Variants in DLC1 observed in about 807,000 individuals in gnomAD.
The protein encoded by DLC1 is DLC1 Rho GTPase activating protein.
A neutral mutation model predicts 140.3 loss-of-function variants in DLC1; 54 were observed. The ratio of observed to expected loss-of-function variants is 0.38; its 90% CI spans 0.31 to 0.48. DLC1 has a LOEUF of 0.48. Ranked by LOEUF, DLC1 falls within the 20% of genes least tolerant of loss-of-function variation. The pLI is 0.96. For synonymous variants in DLC1, 986 were observed against 728.1 expected (o/e 1.35, Z -5.70); for missense variants, 2,536 against 1,907.0 (o/e 1.33, Z -6.14).
At chr8:13,221,845 AAATATATT>A (rs1018585976) in intron 5 of DLC1, among the ~76,000 whole-genome samples, 1 of 144,672 alleles carries the variant, frequency 6.9e-6, no homozygotes, top group Non-Finnish European at 1.5e-5. Context: ...TATTAATATA[AAATATATT>A]AATATATTAA....
At chr8:13,171,781 G>T (rs1002989562) in intron 5 of DLC1, among the ~76,000 whole-genome samples, 2 of 152,206 alleles carry the variant, frequency 1.3e-5, no homozygotes, top group African/African-American at 4.8e-5. Flanking sequence ...CTTGCGGAGG[G>T]TATAGCTAGA....
chr8:13,144,592 C>T (rs1225736953), intron 5 of DLC1, among the ~76,000 whole-genome samples: 3 of 152,040 alleles, frequency 2.0e-5, no homozygotes, highest in Non-Finnish European at 4.4e-5. Flanking sequence ...AGTGAAATCC[C>T]GCTTCTACTA....
intron 1 of DLC1, chr8:13,568,094 G>T: frequency 1.1e-6 from 1 of 901,262 alleles, no homozygotes; most frequent in Non-Finnish European, 1.6e-6. Context: ...ATTATAGAAG[G>T]CACTGTTGTA....
At chr8:13,356,361 C>T (rs1401610211) in intron 4 of DLC1, among the ~76,000 whole-genome samples, 1 of 152,048 alleles carries the variant, frequency 6.6e-6, no homozygotes, top group Non-Finnish European at 1.5e-5. Flanking sequence ...ATAAGTTGTC[C>T]ACATTCCTCA....
chr8:13,125,429 A>C (rs1268433133), intron 5 of DLC1, among the ~76,000 whole-genome samples: 1 of 152,220 alleles, frequency 6.6e-6, no homozygotes, highest in Non-Finnish European at 1.5e-5. Flanking sequence ...CAATGCATAG[A>C]AGGCTCTTAA....
At chr8:13,397,885 CA>C (rs1283556016) in intron 3 of DLC1, among the ~76,000 whole-genome samples, 1 of 151,660 alleles carries the variant, frequency 6.6e-6, no homozygotes, top group Non-Finnish European at 1.5e-5. Context: ...GTAATCCCAG[CA>C]CTTCTGGAGG....
chr8:13,577,479 T>C (rs1470143980), intron 1 of DLC1, among the ~76,000 whole-genome samples: 1 of 152,220 alleles, frequency 6.6e-6, no homozygotes, highest in Non-Finnish European at 1.5e-5. Flanking sequence ...TCTTCAGATT[T>C]TACGTATATC....
intron 1 of DLC1, among the ~76,000 whole-genome samples, chr8:13,590,019 A>G (rs1805463988): frequency 6.6e-6 from 1 of 150,766 alleles, no homozygotes; most frequent in Non-Finnish European, 1.5e-5. Flanking sequence ...TTATTTTAAA[A>G]TGTTATGGAA....
intron 5 of DLC1, among the ~76,000 whole-genome samples, chr8:13,158,737 C>A (rs1302630756): frequency 1.1e-5 from 1 of 88,056 alleles, no homozygotes; most frequent in Non-Finnish European, 2.3e-5. Flanking sequence ...CCACCCTCCC[C>A]CCCCCCCCCC....
chr8:13,185,280 T>A (rs1274589921), intron 5 of DLC1, among the ~76,000 whole-genome samples: 1 of 95,798 alleles, frequency 1.0e-5, no homozygotes. Context: ...CTGTGTCTTT[T>A]CTGTTTTTTT....
At chr8:13,137,040 A>T (rs535879427) in intron 5 of DLC1, among the ~76,000 whole-genome samples, 12 of 152,354 alleles carry the variant, frequency 7.9e-5, no homozygotes, top group African/African-American at 2.2e-4. Context: ...TAAAACATGA[A>T]ATCCTATTTA....
chr8:13,547,313 A>G (rs1344171184), intron 1 of DLC1, among the ~76,000 whole-genome samples: 1 of 152,098 alleles, frequency 6.6e-6, no homozygotes, highest in East Asian at 1.9e-4. Context: ...CTTTAGCATT[A>G]TATCAAATGA....
In DLC1 at chr8:13,100,568, T is replaced by G. The variant is rs761554742; in HGVS notation, c.1769A>C (p.Glu590Ala). Residue 590 changes from glutamate (E) to alanine (A), a missense_variant, in exon 9 of 18, where the codon GAG (glutamate) becomes GCG (alanine). By Grantham distance (107) the Glu-to-Ala change is moderately radical (BLOSUM62 -1). Transcript: ENST00000276297. ...GTLMDLSERQ[E>A]VSSVRSLSST... Reference sequence around the variant, plus strand: ...GCTGAGGCTGCGGACGGAAGACACCTCCTGGCGCTCGCTGAGGTCCATCAG... The same window carrying G: ...GCTGAGGCTGCGGACGGAAGACACCGCCTGGCGCTCGCTGAGGTCCATCAG... 3 of 1,613,568 alleles carry G rather than the reference T, an allele frequency of 1.9e-6. No homozygotes were observed. The South Asian group carries it at 3.3e-5, about 18-fold the overall frequency.
chr8:13,150,075 T>G (rs1373619483), intron 5 of DLC1, among the ~76,000 whole-genome samples: 4 of 152,196 alleles, frequency 2.6e-5, no homozygotes, highest in Admixed American at 6.5e-5. Flanking sequence ...CTTGAATGTC[T>G]TTTGTGGTCT....
chr8:13,223,012 C>G (rs1209174391), intron 5 of DLC1, among the ~76,000 whole-genome samples: 2 of 152,156 alleles, frequency 1.3e-5, no homozygotes, highest in African/African-American at 4.8e-5. Context: ...CTCAGCCTCC[C>G]AAAGTGTTGG....
At chr8:13,206,586 CAGAA>C (rs896271634) in intron 5 of DLC1, among the ~76,000 whole-genome samples, 2 of 152,002 alleles carry the variant, frequency 1.3e-5, no homozygotes, top group African/African-American at 4.8e-5. Context: ...AATGTAACCA[CAGAA>C]AGAATTCTAG....
intron 1 of DLC1, among the ~76,000 whole-genome samples, chr8:13,544,849 C>G (rs773199924): frequency 4.6e-5 from 7 of 152,094 alleles, no homozygotes; most frequent in Non-Finnish European, 1.5e-5. Flanking sequence ...TTCAATGTCT[C>G]TTTGTTCTAT....
chr8:13,262,304 G>C (rs898073840), intron 5 of DLC1, among the ~76,000 whole-genome samples: 1 of 151,976 alleles, frequency 6.6e-6, no homozygotes, highest in East Asian at 1.9e-4. Context: ...ACTTGCTCAA[G>C]GGGAACATAT....
chr8:13,093,953 T>C (rs1163689933), intron 12 of DLC1, among the ~76,000 whole-genome samples: 1 of 152,246 alleles, frequency 6.6e-6, no homozygotes, highest in Non-Finnish European at 1.5e-5. Flanking sequence ...AAGAAGGGCA[T>C]GGGTATTGTT....
Sources: gnomAD v4.1 joint callset for allele counts (sites outside exome capture counted in the v4.1 genomes callset) on GRCh38, gnomAD v4.1.1 for gene constraint, MANE v1.5 for transcripts, NCBI Gene and HGNC (gene_info 2026-07-23, HGNC 2026-07-21) for gene names.